RAB10: variants seen among roughly 807,000 people sequenced by gnomAD.
RAB10 encodes ras-related protein Rab-10.
A neutral mutation model predicts 25.7 loss-of-function variants in RAB10; 5 were observed. The ratio of observed to expected loss-of-function variants is 0.19; its 90% CI spans 0.10 to 0.41. The LOEUF (loss-of-function observed/expected upper bound fraction) is 0.41, where lower values mean the gene tolerates loss of function less well. Ranked by LOEUF, RAB10 falls within the 10% of genes least tolerant of loss-of-function variation. The probability of loss-of-function intolerance (pLI) is 1.00; values close to 1 mark genes in which losing one functional copy is unlikely to be tolerated. For synonymous variants in RAB10, 89 were observed against 86.4 expected, an observed-to-expected ratio of 1.03 and a Z score of -0.16; for missense variants, 103 against 245.8, an observed-to-expected ratio of 0.42 and a Z score of 3.89.
chr2:26,081,248 G>T (rs546860415), intron 1 of RAB10, among the ~76,000 whole-genome samples: 8 of 152,102 alleles, frequency 5.3e-5, no homozygotes, highest in Non-Finnish European at 1.0e-4. Context: ...ACCCAGCCTT[G>T]GGTATGTCTT....
At chr2:26,062,088 TGG>T (rs1206515227) in intron 1 of RAB10, among the ~76,000 whole-genome samples, 2 of 152,212 alleles carry the variant, frequency 1.3e-5, no homozygotes, top group Non-Finnish European at 2.9e-5. Flanking sequence ...TTTTTGTGTG[TGG>T]TAAGTTACTA....
At chr2:26,106,386 A>G (rs1667463351) in intron 2 of RAB10, among the ~76,000 whole-genome samples, 1 of 152,228 alleles carries the variant, frequency 6.6e-6, no homozygotes, top group African/African-American at 2.4e-5. Flanking sequence ...GAGGAGGCCT[A>G]GACACATAGG....
intron 2 of RAB10, among the ~76,000 whole-genome samples, chr2:26,103,378 G>A (rs1053643484): frequency 2.0e-5 from 3 of 152,148 alleles, no homozygotes; most frequent in African/African-American, 2.4e-5. Context: ...ACAAACTTAC[G>A]AATTTAAAAA....
At chr2:26,089,288 T>A (rs946946676) in intron 1 of RAB10, among the ~76,000 whole-genome samples, 1 of 151,846 alleles carries the variant, frequency 6.6e-6, no homozygotes, top group East Asian at 2.0e-4. Context: ...CCGGGCATGA[T>A]GGTGGGTGCC....
chr2:26,049,624 G>A (rs1209459626), intron 1 of RAB10, among the ~76,000 whole-genome samples: 1 of 151,990 alleles, frequency 6.6e-6, no homozygotes, highest in African/African-American at 2.4e-5. Context: ...GGCCAGGCTG[G>A]TCTCGAAATT....
In RAB10 at chr2:26,109,923, G is replaced by T. The variant is rs548532682; in HGVS notation, c.327+17G>T. 3 of 1,564,630 alleles carry T rather than the reference G, an allele frequency of 1.9e-6. No homozygotes were observed. The highest frequency in any genetic ancestry group is 2.8e-5 in the African/African-American group (2 of 72,388). On this transcript the variant is annotated intron_variant, in intron 3 of 5. Coordinates refer to ENST00000264710, the MANE Select transcript of RAB10 (RefSeq NM_016131.5). Reference sequence around the variant, plus strand: ...ATAGATGAGGTAAGACCTAGAACTTGTATAAACCCTTCATGAACACACATT... The same window carrying T: ...ATAGATGAGGTAAGACCTAGAACTTTTATAAACCCTTCATGAACACACATT...
chr2:26,104,172 T>C (rs1179626043), intron 2 of RAB10, among the ~76,000 whole-genome samples: 1 of 152,238 alleles, frequency 6.6e-6, no homozygotes. Flanking sequence ...TTTTCTAACA[T>C]GGCTGCATCA....
chr2:26,037,943 A>G (rs1051786895), intron 1 of RAB10, among the ~76,000 whole-genome samples: 18 of 151,208 alleles, frequency 1.2e-4, no homozygotes, highest in African/African-American at 3.4e-4. Flanking sequence ...CTGGAGTGCA[A>G]TGGTGTGATC....
chr2:26,088,309 T>C (rs527628591), intron 1 of RAB10, among the ~76,000 whole-genome samples: 1 of 152,310 alleles, frequency 6.6e-6, no homozygotes, highest in South Asian at 2.1e-4. Context: ...GTTTTTCTCT[T>C]GAGCAGCTAA....
chr2:26,116,244 C>A (rs1303174281), intron 3 of RAB10, among the ~76,000 whole-genome samples: 1 of 152,132 alleles, frequency 6.6e-6, no homozygotes, highest in African/African-American at 2.4e-5. Flanking sequence ...TGTTAAAACC[C>A]TGAGCTCCAA....
Position 26,034,301 on chromosome 2 carries a change from T to C in RAB10, c.-308T>C, listed in dbSNP as rs1302859385. On this transcript the variant is annotated 5_prime_UTR_variant, in exon 1 of 6. Transcript: ENST00000264710. ...ACGGCAGAGCAGGCTTGCTCGCCCG[T>C]GGGAGCGTCCCGGCCGAGAAGCCCT... 7.3e-6 allele frequency: 4 copies of C among 546,672 alleles called. No homozygotes were observed. The highest frequency in any genetic ancestry group is 2.9e-5 in the East Asian group (1 of 34,754). 33.9% of individuals were successfully genotyped at this position (546,672 alleles called of 1,614,324 possible). A position where few individuals can be genotyped will look rare whatever the true frequency, so the allele number is the denominator to read the frequency against.
chr2:26,035,075 A>G (rs1665736272), intron 1 of RAB10, among the ~76,000 whole-genome samples: 1 of 152,138 alleles, frequency 6.6e-6, no homozygotes, highest in African/African-American at 2.4e-5. Flanking sequence ...TTTTTAAGGT[A>G]TTTATTTCAG....
chr2:26,061,496 G>A (rs1024606641), intron 1 of RAB10, among the ~76,000 whole-genome samples: 1 of 152,078 alleles, frequency 6.6e-6, no homozygotes, highest in East Asian at 1.9e-4. Flanking sequence ...CACCACAGCC[G>A]TGTTGGCTGC....
At chr2:26,064,815 A>G (rs1666479709) in intron 1 of RAB10, among the ~76,000 whole-genome samples, 1 of 152,064 alleles carries the variant, frequency 6.6e-6, no homozygotes, top group African/African-American at 2.4e-5. Flanking sequence ...GGGAGGCTGA[A>G]GTGGGAGGAT....
intron 1 of RAB10, among the ~76,000 whole-genome samples, chr2:26,077,470 G>C (rs983051002): frequency 3.9e-5 from 6 of 152,150 alleles, no homozygotes; most frequent in African/African-American, 1.4e-4. Flanking sequence ...AAAATAATGC[G>C]TAACAAACAA....
intron 1 of RAB10, among the ~76,000 whole-genome samples, chr2:26,047,485 G>A (rs1666038271): frequency 1.3e-5 from 2 of 151,860 alleles, no homozygotes; most frequent in African/African-American, 4.8e-5. Context: ...GCACAATCTC[G>A]GCTCACTGCA....
intron 1 of RAB10, among the ~76,000 whole-genome samples, chr2:26,055,505 A>G (rs1666241479): frequency 1.3e-5 from 2 of 151,066 alleles, no homozygotes; most frequent in Admixed American, 6.6e-5. Context: ...CTCTGGCTTC[A>G]GCCTCCTGAG....
intron 1 of RAB10, among the ~76,000 whole-genome samples, chr2:26,076,383 G>A (rs1436021282): frequency 6.6e-6 from 1 of 152,144 alleles, no homozygotes; most frequent in Non-Finnish European, 1.5e-5. Flanking sequence ...GCTTATTGGT[G>A]TGTAGTTTGT....
chr2:26,062,508 A>G (rs897690073), intron 1 of RAB10, among the ~76,000 whole-genome samples: 3 of 151,148 alleles, frequency 2.0e-5, no homozygotes, highest in Admixed American at 6.6e-5. Flanking sequence ...TGAGACCCCA[A>G]CTCTACTAAA....
Sources: gnomAD v4.1 joint callset for allele counts (sites outside exome capture counted in the v4.1 genomes callset) on GRCh38, gnomAD v4.1.1 for gene constraint, MANE v1.5 for transcripts, NCBI Gene and HGNC (gene_info 2026-07-23, HGNC 2026-07-21) for gene names.